CAMKMT: variants seen among roughly 807,000 people sequenced by gnomAD.
CAMKMT encodes the protein calmodulin-lysine N-methyltransferase.
A neutral mutation model predicts 48.0 loss-of-function variants in CAMKMT; 53 were observed. The observed-to-expected ratio is 1.10, with a 90% confidence interval of 0.89 to 1.39. The LOEUF is 1.39. CAMKMT is among the 40% of genes most tolerant of loss of function. The pLI, the probability that CAMKMT is intolerant of heterozygous loss-of-function variation, is 0.00. For missense variants in CAMKMT, 428 were observed against 402.7 expected (o/e 1.06, Z -0.54); for synonymous variants, 165 against 152.3 (o/e 1.08, Z -0.61).
intron 3 of CAMKMT, among the ~76,000 whole-genome samples, chr2:44,683,282 T>G (rs1374247539): frequency 6.6e-6 from 1 of 152,200 alleles, no homozygotes; most frequent in Non-Finnish European, 1.5e-5. Flanking sequence ...TATGATTCAT[T>G]TCTTCAAACA....
At chr2:44,552,992 A>G (rs1667803655) in intron 3 of CAMKMT, among the ~76,000 whole-genome samples, 1 of 152,232 alleles carries the variant, frequency 6.6e-6, no homozygotes, top group African/African-American at 2.4e-5. Flanking sequence ...CTGTGAAAGT[A>G]TACATAAGGC....
At chr2:44,394,574 C>A (rs1681649272) in intron 3 of CAMKMT, among the ~76,000 whole-genome samples, 1 of 152,044 alleles carries the variant, frequency 6.6e-6, no homozygotes, top group African/African-American at 2.4e-5. Flanking sequence ...ATTACAGGCG[C>A]CTGCTACTAT....
chr2:44,713,524 C>G (rs1285351633), intron 6 of CAMKMT, among the ~76,000 whole-genome samples: 1 of 152,012 alleles, frequency 6.6e-6, no homozygotes, highest in African/African-American at 2.4e-5. Flanking sequence ...CTGAAATAGA[C>G]AGAACTGTAG....
At chr2:44,503,801 A>G (rs1034699240) in intron 3 of CAMKMT, among the ~76,000 whole-genome samples, 2 of 152,200 alleles carry the variant, frequency 1.3e-5, no homozygotes, top group African/African-American at 4.8e-5. Flanking sequence ...TATTTCTCAC[A>G]CTTCTGGAGG....
chr2:44,487,385 A>G (rs1372652004), intron 3 of CAMKMT, among the ~76,000 whole-genome samples: 1 of 152,148 alleles, frequency 6.6e-6, no homozygotes, highest in East Asian at 1.9e-4. Flanking sequence ...AGTTTTTAGT[A>G]TTTGTTTATT....
rs1178839150 is a variant in CAMKMT, at chr2:44,676,953, C to G, written c.377-27330C>G. Among the ~76,000 whole-genome samples, 4 of 152,136 alleles carry G rather than the reference C, an allele frequency of 2.6e-5. No individual in the cohort carries two copies. The East Asian group carries it at 7.7e-4, about 29-fold the overall frequency. On this transcript the variant is annotated intron_variant, in intron 3 of 10. Coordinates refer to ENST00000378494, the MANE Select transcript of CAMKMT (RefSeq NM_024766.5). ...TTTTTTTTCTCTCTCTCAGAATTCT[C>G]TGCAGGAAACAAACCACTGTATTTT...
At chr2:44,695,231 A>T (rs1027392398) in intron 3 of CAMKMT, among the ~76,000 whole-genome samples, 1 of 152,176 alleles carries the variant, frequency 6.6e-6, no homozygotes, top group African/African-American at 2.4e-5. Flanking sequence ...GATAAATTGC[A>T]TGTCACGGAG....
At chr2:44,600,819 C>T (rs892153946) in intron 3 of CAMKMT, among the ~76,000 whole-genome samples, 1 of 152,014 alleles carries the variant, frequency 6.6e-6, no homozygotes, top group Admixed American at 6.5e-5. Flanking sequence ...AAAATGTTTT[C>T]CCTTTCTTTT....
At chr2:44,487,568 A>G (rs900791923) in intron 3 of CAMKMT, among the ~76,000 whole-genome samples, 1 of 152,208 alleles carries the variant, frequency 6.6e-6, no homozygotes, top group African/African-American at 2.4e-5. Flanking sequence ...CTACAAATAT[A>G]AACTGTTTAA....
intron 3 of CAMKMT, among the ~76,000 whole-genome samples, chr2:44,654,436 T>G (rs948262481): frequency 6.6e-6 from 1 of 152,210 alleles, no homozygotes; most frequent in Non-Finnish European, 1.5e-5. Context: ...AGCCAAAGAT[T>G]AACTGTTAAC....
At chr2:44,723,690 G>A (rs886327039) in intron 7 of CAMKMT, 1 of 151,766 alleles carries the variant, frequency 6.6e-6, no homozygotes, top group Non-Finnish European at 1.5e-5. Flanking sequence ...ATTCATTGAA[G>A]CCACTTCCAT....
Position 44,680,909 on chromosome 2 carries a change from C to T in CAMKMT, c.377-23374C>T, listed in dbSNP as rs529273496. 4.6e-5 allele frequency among the ~76,000 whole-genome samples: 7 copies of T among 152,228 alleles called. No individual in the cohort carries two copies. The South Asian group carries it at 1.2e-3, about 27-fold the overall frequency. ...CCCGAATGTGCAGTTTCTTTTCCAC[C>T]CTAAGTGGTAGGAAATGATAACTCG... On this transcript the variant is annotated intron_variant, in intron 3 of 10. Coordinates refer to ENST00000378494, the MANE Select transcript of CAMKMT (RefSeq NM_024766.5).
intron 3 of CAMKMT, among the ~76,000 whole-genome samples, chr2:44,451,593 C>T (rs114515528): frequency 6.2e-4 from 95 of 152,056 alleles, no homozygotes; most frequent in African/African-American, 2.2e-3. Context: ...TGGCTGTAAT[C>T]AAAAGCAGTA....
chr2:44,376,421 A>G (rs1053109474), intron 2 of CAMKMT, among the ~76,000 whole-genome samples: 1 of 102,278 alleles, frequency 9.8e-6, no homozygotes, highest in African/African-American at 4.3e-5. Flanking sequence ...CTCTGTATCA[A>G]AAAAAAAAAA....
chr2:44,478,107 T>C (rs1380773872), intron 3 of CAMKMT, among the ~76,000 whole-genome samples: 1 of 152,196 alleles, frequency 6.6e-6, no homozygotes, highest in African/African-American at 2.4e-5. Flanking sequence ...TGACCAAAGA[T>C]CTGAATATAC....
chr2:44,715,401 T>G lies in CAMKMT; in HGVS notation c.623+48T>G, dbSNP rs1408204716. The G allele has an allele frequency of 6.7e-6, 9 of 1,335,182 alleles. No individual in the cohort carries two copies. The East Asian group carries it at 2.1e-4, about 31-fold the overall frequency. 82.7% of individuals were successfully genotyped at this position (1,335,182 alleles called of 1,614,324 possible). On this transcript the variant is annotated intron_variant, in intron 7 of 10. Coordinates refer to ENST00000378494, the MANE Select transcript of CAMKMT (RefSeq NM_024766.5). ...AAAATTCCCATTGAAATTGCTTTTC[T>G]TGATACTATGGATGGTTATTAAAAA...
intron 3 of CAMKMT, among the ~76,000 whole-genome samples, chr2:44,507,175 A>T (rs182221499): frequency 2.0e-5 from 3 of 152,276 alleles, no homozygotes; most frequent in Admixed American, 2.0e-4. Context: ...CTTTGACTGA[A>T]ATGACAGATT....
At chr2:44,419,785 A>T (rs1227118899) in intron 3 of CAMKMT, among the ~76,000 whole-genome samples, 3 of 152,178 alleles carry the variant, frequency 2.0e-5, no homozygotes, top group Non-Finnish European at 4.4e-5. Flanking sequence ...TGAGCCCAAG[A>T]ATTCAAAGCT....
At chr2:44,672,528 T>C (rs183397094) in intron 3 of CAMKMT, among the ~76,000 whole-genome samples, 1 of 152,310 alleles carries the variant, frequency 6.6e-6, no homozygotes, top group Admixed American at 6.5e-5. Context: ...CTGCTCCTTT[T>C]TAGTTGCATT....
Sources: gnomAD v4.1 joint callset for allele counts (sites outside exome capture counted in the v4.1 genomes callset) on GRCh38, gnomAD v4.1.1 for gene constraint, MANE v1.5 for transcripts, NCBI Gene and HGNC (gene_info 2026-07-23, HGNC 2026-07-21) for gene names.